THSD7B: variants seen among roughly 807,000 people sequenced by gnomAD.
THSD7B encodes the protein thrombospondin type 1 domain containing 7B.
Under a neutral mutation model 213.6 loss-of-function variants are expected in THSD7B, and 138 were observed. That is an observed-to-expected ratio of 0.65 (90% confidence interval 0.56 to 0.74). The LOEUF is 0.74. Ranked by LOEUF, THSD7B falls within the 30% of genes least tolerant of loss-of-function variation. THSD7B has a pLI of 0.00. For missense variants in THSD7B, 1,931 were observed against 1,991.5 expected, an observed-to-expected ratio of 0.97 and a Z score of 0.58; for synonymous variants, 742 against 687.0, an observed-to-expected ratio of 1.08 and a Z score of -1.25.
At chr2:137,402,218 A>G (rs1375386122) in intron 12 of THSD7B, among the ~76,000 whole-genome samples, 1 of 152,202 alleles carries the variant, frequency 6.6e-6, no homozygotes, top group Non-Finnish European at 1.5e-5. Context: ...AGAATTAAAT[A>G]ACTTATCTTA....
At chr2:136,806,192 A>G (rs1355587858) in intron 1 of THSD7B, among the ~76,000 whole-genome samples, 1 of 152,208 alleles carries the variant, frequency 6.6e-6, no homozygotes, top group Non-Finnish European at 1.5e-5. Context: ...AAATTTTTTT[A>G]TCTTTTTCAG....
chr2:137,094,323 T>A (rs1440853042), intron 3 of THSD7B, among the ~76,000 whole-genome samples: 1 of 152,178 alleles, frequency 6.6e-6, no homozygotes, highest in Non-Finnish European at 1.5e-5. Context: ...GTAGTCCCAG[T>A]ACTTTGGGAG....
intron 2 of THSD7B, among the ~76,000 whole-genome samples, chr2:137,001,185 T>C (rs375556019): frequency 6.6e-6 from 1 of 152,140 alleles, no homozygotes; most frequent in East Asian, 1.9e-4. Flanking sequence ...ACGATAATGA[T>C]ACTTCTATCT....
At chr2:137,314,052 C>G (rs1037174243) in intron 12 of THSD7B, among the ~76,000 whole-genome samples, 1 of 152,152 alleles carries the variant, frequency 6.6e-6, no homozygotes, top group Non-Finnish European at 1.5e-5. Flanking sequence ...GAATGTTGGC[C>G]TGCTTTGCTA....
At chr2:137,265,950 A>T (rs1369436289) in intron 10 of THSD7B, among the ~76,000 whole-genome samples, 2 of 152,168 alleles carry the variant, frequency 1.3e-5, no homozygotes, top group Non-Finnish European at 2.9e-5. Flanking sequence ...ATAGGTACTA[A>T]TTGCCTTGCA....
At chr2:137,137,600 G>C (rs1276811598) in intron 5 of THSD7B, among the ~76,000 whole-genome samples, 1 of 152,152 alleles carries the variant, frequency 6.6e-6, no homozygotes, top group Non-Finnish European at 1.5e-5. Flanking sequence ...AATGGGGTAT[G>C]CCATATAGCC....
chr2:137,321,405 C>G (rs1006227378), intron 12 of THSD7B, among the ~76,000 whole-genome samples: 2 of 152,124 alleles, frequency 1.3e-5, no homozygotes, highest in Non-Finnish European at 2.9e-5. Flanking sequence ...GAAAGTCACG[C>G]ACATGCATTC....
chr2:137,625,501 T>G (rs937806840), intron 20 of THSD7B, among the ~76,000 whole-genome samples: 1 of 150,684 alleles, frequency 6.6e-6, no homozygotes, highest in Non-Finnish European at 1.5e-5. Flanking sequence ...AAAATAGGCC[T>G]GAATAAATAA....
At chr2:137,397,148 C>A (rs1249797369) in intron 12 of THSD7B, among the ~76,000 whole-genome samples, 2 of 151,642 alleles carry the variant, frequency 1.3e-5, no homozygotes, top group East Asian at 1.9e-4. Flanking sequence ...TTAATTGGAG[C>A]ATTTAGTCCA....
At chr2:137,668,527 G>T (rs192680387) in intron 27 of THSD7B, among the ~76,000 whole-genome samples, 1 of 151,610 alleles carries the variant, frequency 6.6e-6, no homozygotes, top group East Asian at 1.9e-4. Flanking sequence ...TTATCATACA[G>T]AATATATTTA....
chr2:137,042,022 G>T (rs532001853), intron 2 of THSD7B, among the ~76,000 whole-genome samples: 2 of 152,284 alleles, frequency 1.3e-5, no homozygotes, highest in East Asian at 3.9e-4. Flanking sequence ...ATTAAGCCTT[G>T]TCACTCTTCT....
Position 137,581,642 on chromosome 2 carries a change from A to C in THSD7B, c.3423+9086A>C, listed in dbSNP as rs115928475. On this transcript the variant is annotated intron_variant, in intron 17 of 27. Coordinates refer to ENST00000409968, the MANE Select transcript of THSD7B (RefSeq NM_001316349.2). ...CAAAAATAATAATTATAAAAATAAAAAATACTACTTGGGAGGCTGAGGCAG... is the reference window on the plus strand; with the variant it reads ...CAAAAATAATAATTATAAAAATAAACAATACTACTTGGGAGGCTGAGGCAG... 5.9e-3 allele frequency among the ~76,000 whole-genome samples: 896 copies of C among 151,748 alleles called. 9 individuals carry two copies. Among genetic ancestry groups the C allele is most frequent in the African/African-American group, 0.021 (852 of 41,406 alleles).
intron 12 of THSD7B, among the ~76,000 whole-genome samples, chr2:137,316,051 C>A (rs1684090221): frequency 6.6e-6 from 1 of 151,960 alleles, no homozygotes; most frequent in South Asian, 2.1e-4. Context: ...GTGTGTTAGT[C>A]TTTGATATCA....
At chr2:137,156,357 G>A (rs1204126504) in intron 5 of THSD7B, among the ~76,000 whole-genome samples, 2 of 152,262 alleles carry the variant, frequency 1.3e-5, no homozygotes, top group East Asian at 1.9e-4. Flanking sequence ...TATTGATATG[G>A]ATTAAGATTC....
chr2:137,355,143 C>A (rs189738078), intron 12 of THSD7B, among the ~76,000 whole-genome samples: 80 of 152,124 alleles, frequency 5.3e-4, no homozygotes, highest in Non-Finnish European at 5.3e-4. Flanking sequence ...AATATTTATG[C>A]TTTTTTAAGA....
chr2:136,905,708 C>T (rs185350119), intron 2 of THSD7B, among the ~76,000 whole-genome samples: 1 of 152,234 alleles, frequency 6.6e-6, no homozygotes, highest in East Asian at 1.9e-4. Flanking sequence ...GCAAATATGC[C>T]AATGATAACC....
intron 15 of THSD7B, among the ~76,000 whole-genome samples, chr2:137,485,285 T>C (rs2105112077): frequency 6.7e-6 from 1 of 148,320 alleles, no homozygotes; most frequent in South Asian, 2.2e-4. Context: ...GGGAATCCTT[T>C]CCCCATTGCT....
intron 2 of THSD7B, among the ~76,000 whole-genome samples, chr2:136,894,229 A>G (rs947363599): frequency 2.3e-5 from 3 of 129,200 alleles, no homozygotes; most frequent in East Asian, 2.5e-4. Flanking sequence ...ATTGCTAAAT[A>G]TATGTGCTAT....
At chr2:137,114,979 A>C in intron 4 of THSD7B, 145 bp from the exon 5 acceptor site, 1 of 802,780 alleles carries the variant, frequency 1.2e-6, no homozygotes, top group Non-Finnish European at 1.9e-6. Flanking sequence ...TAGTAATTCA[A>C]AGCTAGTATA....
Sources: gnomAD v4.1 joint callset for allele counts (sites outside exome capture counted in the v4.1 genomes callset) on GRCh38, gnomAD v4.1.1 for gene constraint, MANE v1.5 for transcripts, NCBI Gene and HGNC (gene_info 2026-07-23, HGNC 2026-07-21) for gene names.